The following ZNF438 variants were observed in gnomAD, a reference collection of about 807,000 sequenced individuals.
ZNF438 encodes the protein zinc finger protein 438.
Under a neutral mutation model 38.0 loss-of-function variants are expected in ZNF438, and 25 were observed. The observed-to-expected ratio is 0.66, with a 90% CI of 0.48 to 0.92. The LOEUF (loss-of-function observed/expected upper bound fraction) is 0.92, where lower values mean the gene tolerates loss of function less well. Among genes scored for constraint, ZNF438 ranks in the 40% least tolerant of loss-of-function variants. The pLI is 0.00. For synonymous variants in ZNF438, 372 were observed against 364.1 expected (o/e 1.02, Z -0.25); for missense variants, 1,007 against 999.6 (o/e 1.01, Z -0.10).
intron 3 of ZNF438, among the ~76,000 whole-genome samples, chr10:30,898,336 G>A (rs1343699681): frequency 3.3e-5 from 5 of 152,116 alleles, no homozygotes; most frequent in Non-Finnish European, 7.4e-5. Context: ...GCCAGGGAAA[G>A]ATGTCCATAA....
rs141243115 is a variant in ZNF438 at position 30,845,543 on chromosome 10, G to A, written c.1905C>T (p.Phe635=). ...TGACTTCGTCTGCCTGGTTTAGAAG[G>A]AAGTCTTCTTCCAGGTTGGACTTGT... The change falls in exon 6 of 6, where the codon TTC becomes TTT. Residue 635 remains phenylalanine (F), a synonymous_variant. Transcript: ENST00000413025. 112 of 1,612,748 alleles carry A rather than the reference G, an allele frequency of 6.9e-5. No individual in the cohort carries two copies. The African/African-American group carries it at 1.4e-3, about 21-fold the overall frequency.
chr10:31,025,655 C>T (rs2056890970), intron 1 of ZNF438, among the ~76,000 whole-genome samples: 1 of 151,902 alleles, frequency 6.6e-6, no homozygotes. Flanking sequence ...CTTACTATTC[C>T]CTAAGAATTT....
intron 2 of ZNF438, among the ~76,000 whole-genome samples, chr10:30,934,582 A>G (rs1039629280): frequency 1.3e-5 from 2 of 152,218 alleles, no homozygotes; most frequent in Non-Finnish European, 2.9e-5. Context: ...TTGTTCAGAA[A>G]CTTGTAAACA....
chr10:31,012,128 T>C lies in ZNF438; in HGVS notation c.-192+19705A>G, dbSNP rs1278152719. ...CTGATCTCATTTTCTTTTTTTTTTT[T>C]CTTTTTTTTTTTGAGATGGAGTCTC... On this transcript the variant is annotated intron_variant, in intron 1 of 5. Transcript: ENST00000413025. Among the ~76,000 whole-genome samples the C allele has an allele frequency of 1.4e-3, 207 of 148,476 alleles. 1 individual carries two copies. Among genetic ancestry groups the C allele is most frequent in the African/African-American group, 4.8e-3 (195 of 40,634 alleles).
At chr10:30,939,527 T>A (rs776265554) in intron 2 of ZNF438, among the ~76,000 whole-genome samples, 2 of 152,222 alleles carry the variant, frequency 1.3e-5, no homozygotes, top group Non-Finnish European at 2.9e-5. Context: ...AACCCACCCA[T>A]GTGAAAGGAT....
chr10:31,025,629 C>T lies in ZNF438; in HGVS notation c.-192+6204G>A, dbSNP rs182378442. Among the ~76,000 whole-genome samples, 686 of 152,206 alleles carry T rather than the reference C, an allele frequency of 4.5e-3. 6 individuals carry two copies. The highest frequency in any genetic ancestry group is 4.5e-3 in the Non-Finnish European group (308 of 68,010). ...GTTATGGTTAAATTATTCCTTTCAT[C>T]GACATACTGGTTTTGCTTACTATTC... On this transcript the variant is annotated intron_variant, in intron 1 of 5. Coordinates refer to ENST00000413025, the Ensembl canonical transcript of ZNF438.
intron 4 of ZNF438, among the ~76,000 whole-genome samples, chr10:30,871,729 A>G (rs1204131973): frequency 1.3e-5 from 2 of 152,212 alleles, no homozygotes. Flanking sequence ...GAATCAGAAA[A>G]TCTAGGGGTT....
chr10:30,902,319 G>C (rs368066948), intron 3 of ZNF438, among the ~76,000 whole-genome samples: 3 of 152,066 alleles, frequency 2.0e-5, no homozygotes, highest in Non-Finnish European at 4.4e-5. Context: ...AATTCTCCAC[G>C]TCCCCACTAG....
At chr10:30,915,898 C>G (rs2043577493) in intron 2 of ZNF438, among the ~76,000 whole-genome samples, 1 of 152,032 alleles carries the variant, frequency 6.6e-6, no homozygotes, top group Admixed American at 6.6e-5. Flanking sequence ...TCTCAGTTAT[C>G]TGGCCCATCC....
chr10:30,854,245 G>A (rs564329216), intron 4 of ZNF438, among the ~76,000 whole-genome samples: 9 of 152,232 alleles, frequency 5.9e-5, no homozygotes, highest in African/African-American at 2.2e-4. Context: ...GCGTGAACCC[G>A]GGAGTTTGCA....
At chr10:31,026,011 G>A (rs1005432997) in intron 1 of ZNF438, among the ~76,000 whole-genome samples, 2 of 152,100 alleles carry the variant, frequency 1.3e-5, no homozygotes, top group Non-Finnish European at 2.9e-5. Flanking sequence ...TTTAATAAAC[G>A]GTGCTGGGAA....
At chr10:30,981,257 A>T (rs1268385461) in intron 1 of ZNF438, among the ~76,000 whole-genome samples, 1 of 152,170 alleles carries the variant, frequency 6.6e-6, no homozygotes, top group Non-Finnish European at 1.5e-5. Context: ...CAAGAAACAC[A>T]AGTCCTTACT....
At chr10:31,032,255 C>G (rs1295917926), upstream of ZNF438, among the ~76,000 whole-genome samples, 1 of 152,202 alleles carries the variant, frequency 6.6e-6, no homozygotes. Context: ...ACAGACATTG[C>G]CCGCCTTCCT....
At chr10:30,904,622 G>GTTGT (rs1354804506) in intron 3 of ZNF438, among the ~76,000 whole-genome samples, 1 of 152,010 alleles carries the variant, frequency 6.6e-6, no homozygotes, top group Non-Finnish European at 1.5e-5. Context: ...CATTGATGAG[G>GTTGT]TTGTCCACAC....
intron 1 of ZNF438, among the ~76,000 whole-genome samples, chr10:30,976,415 C>T (rs2051352818): frequency 2.0e-5 from 3 of 152,134 alleles, no homozygotes; most frequent in Non-Finnish European, 2.9e-5. Flanking sequence ...GTAGCAATAT[C>T]AATGTCAGCT....
chr10:30,919,973 G>A (rs2044104308), intron 2 of ZNF438: 1 of 152,184 alleles, frequency 6.6e-6, no homozygotes, highest in Non-Finnish European at 1.5e-5. Flanking sequence ...AATGTCCTTG[G>A]TTTTCTGTGC....
At chr10:30,897,536 A>C (rs1253957483) in intron 3 of ZNF438, among the ~76,000 whole-genome samples, 1 of 152,196 alleles carries the variant, frequency 6.6e-6, no homozygotes, top group African/African-American at 2.4e-5. Flanking sequence ...ACCTCCCTTA[A>C]ATCTATCACC....
chr10:31,013,384 A>T (rs900209175), intron 1 of ZNF438, among the ~76,000 whole-genome samples: 1 of 151,896 alleles, frequency 6.6e-6, no homozygotes, highest in African/African-American at 2.4e-5. Flanking sequence ...CCACCTCAGC[A>T]GACCCTTCTC....
At chr10:30,913,475 T>C (rs2043280136) in intron 2 of ZNF438, among the ~76,000 whole-genome samples, 1 of 152,050 alleles carries the variant, frequency 6.6e-6, no homozygotes, top group Non-Finnish European at 1.5e-5. Flanking sequence ...TCCATCAGAT[T>C]TTTGCTTAAA....
Sources: allele counts gnomAD v4.1 joint callset (sites outside exome capture counted in the v4.1 genomes callset), GRCh38; gene constraint gnomAD v4.1.1; transcripts MANE v1.5; gene names NCBI Gene and HGNC (gene_info 2026-07-23, HGNC 2026-07-21).